PCDHGB5: variants seen among roughly 807,000 people sequenced by gnomAD.
The protein encoded by PCDHGB5 is protocadherin gamma-B5.
In PCDHGB5, 48 loss-of-function variants were observed where a neutral mutation model predicts 62.9. The observed-to-expected ratio is 0.76, with a 90% CI of 0.61 to 0.97. The LOEUF is 0.97. Among genes scored for constraint, PCDHGB5 ranks in the 50% least tolerant of loss-of-function variants. PCDHGB5 has a pLI of 0.00. For synonymous variants in PCDHGB5, 474 were observed against 511.2 expected (o/e 0.93, Z 0.98); for missense variants, 1,118 against 1,198.6 (o/e 0.93, Z 0.99).
intron 1 of PCDHGB5, chr5:141,415,172 T>G (rs770772038): frequency 1.2e-6 from 2 of 1,613,882 alleles, no homozygotes; most frequent in Non-Finnish European, 1.7e-6. Context: ...ACGCTCACCG[T>G]GGCCGTGGCC....
intron 1 of PCDHGB5, chr5:141,417,646 C>G: frequency 1.3e-6 from 1 of 797,874 alleles, no homozygotes. Context: ...GATCCCTCAG[C>G]CTCTAGCCTG....
chr5:141,402,825 A>G, intron 1 of PCDHGB5: 1 of 1,320,620 alleles, frequency 7.6e-7, no homozygotes, highest in Non-Finnish European at 1.0e-6. Flanking sequence ...ACCTGCTCCC[A>G]GGCTGCAGCA....
At chr5:141,509,275 G>A (rs185255724) in intron 3 of PCDHGB5, among the ~76,000 whole-genome samples, 1 of 152,096 alleles carries the variant, frequency 6.6e-6, no homozygotes, top group East Asian at 1.9e-4. Flanking sequence ...CTCGCTACCC[G>A]CTCCCAGGGT....
intron 1 of PCDHGB5, chr5:141,433,186 G>A (rs753657435): frequency 1.4e-5 from 23 of 1,601,378 alleles, no homozygotes; most frequent in Non-Finnish European, 1.9e-5. Context: ...TAATTGAGGT[G>A]AGTTTATATC....
chr5:141,432,934 G>A lies in PCDHGB5; in HGVS notation c.2397+32410G>A. The stretch of plus-strand genomic sequence containing the variant: ...GGCGCTGGCACAAGTCACGCCTGCT[G>A]CAGGCTTCAGGAGGCGGCTTGACAG... On this transcript the variant is annotated intron_variant, in intron 1 of 3. Transcript: ENST00000617380. This position sits in a 1 kb window ranked among gnomAD's most constrained non-coding sequence, Gnocchi z 6.0. 1.9e-6 allele frequency: 3 copies of A among 1,614,196 alleles called. No individual in the cohort carries two copies. Among genetic ancestry groups the A allele is most frequent in the Non-Finnish European group, 2.5e-6 (3 of 1,180,040 alleles).
rs778851755 is a variant in PCDHGB5, at chr5:141,477,795, G to A, written c.2398-17012G>A. ...AGCGTGAACATATTTGTCACTGATC[G>A]CAATGACAATGCCCCCCAGGTCCTA... On this transcript the variant is annotated intron_variant, in intron 1 of 3. Coordinates refer to ENST00000617380, the MANE Select transcript of PCDHGB5 (RefSeq NM_018925.3). This position sits in a 1 kb window ranked among gnomAD's most constrained non-coding sequence, Gnocchi z 4.9. The A allele has an allele frequency of 3.1e-6, 5 of 1,613,946 alleles. No individual in the cohort carries two copies. In the African/African-American group the frequency reaches 6.7e-5, roughly 22 times the overall value.
chr5:141,483,750 A>G (rs1453478545), intron 1 of PCDHGB5, among the ~76,000 whole-genome samples: 1 of 152,138 alleles, frequency 6.6e-6, no homozygotes, highest in African/African-American at 2.4e-5. Flanking sequence ...ATTCCTGAGG[A>G]TCGAGGCTTG....
At chr5:141,478,098 C>T (rs779493391) in intron 1 of PCDHGB5, 1 of 1,614,142 alleles carries the variant, frequency 6.2e-7, no homozygotes, top group South Asian at 1.1e-5. Flanking sequence ...ACCACTGCTA[C>T]CCTCACTGTG....
chr5:141,429,851 TC>T (rs1447325775), intron 1 of PCDHGB5, among the ~76,000 whole-genome samples: 2 of 152,224 alleles, frequency 1.3e-5, no homozygotes, highest in African/African-American at 4.8e-5. Context: ...TCTGTAACAT[TC>T]TTTGGACTAC....
At chr5:141,404,891 C>G in intron 1 of PCDHGB5, 1 of 1,613,898 alleles carries the variant, frequency 6.2e-7, no homozygotes, top group African/African-American at 1.3e-5. Context: ...GGTGGCTGTA[C>G]AGGACCATGG....
intron 1 of PCDHGB5, among the ~76,000 whole-genome samples, chr5:141,458,500 T>G (rs2098947037): frequency 6.6e-6 from 1 of 151,442 alleles, no homozygotes; most frequent in Admixed American, 6.6e-5. Context: ...CTGTACATAC[T>G]GTTTGACACT....
intron 1 of PCDHGB5, among the ~76,000 whole-genome samples, chr5:141,460,120 A>C (rs1404213559): frequency 1.3e-5 from 2 of 151,956 alleles, no homozygotes; most frequent in Non-Finnish European, 2.9e-5. Flanking sequence ...ATTTTTATAT[A>C]TGTAATATAT....
At chr5:141,405,476 G>A (rs1214119236) in intron 1 of PCDHGB5, 1 of 1,048,044 alleles carries the variant, frequency 9.5e-7, no homozygotes, top group Non-Finnish European at 1.4e-6. Flanking sequence ...CTGGAATGCA[G>A]TGGTGTGATC....
At chr5:141,466,938 G>C (rs985959499) in intron 1 of PCDHGB5, among the ~76,000 whole-genome samples, 1 of 151,854 alleles carries the variant, frequency 6.6e-6, no homozygotes, top group Non-Finnish European at 1.5e-5. Context: ...TTAGTCCTTT[G>C]TCCAGTAAAC....
intron 1 of PCDHGB5, chr5:141,422,006 C>G: frequency 6.2e-7 from 1 of 1,609,754 alleles, no homozygotes; most frequent in Non-Finnish European, 8.5e-7. Flanking sequence ...AGCTCCGGAA[C>G]TCGGGTGCTG....
rs1369150914 is a variant in PCDHGB5 at position 141,432,217 on chromosome 5, G to A, written c.2397+31693G>A. The A allele has an allele frequency of 3.1e-6, 5 of 1,614,204 alleles. No individual in the cohort carries two copies. The East Asian group carries it at 6.7e-5, about 22-fold the overall frequency. On this transcript the variant is annotated intron_variant, in intron 1 of 3. Coordinates refer to ENST00000617380, the MANE Select transcript of PCDHGB5 (RefSeq NM_018925.3). The surrounding 1 kb of genome is among the most constrained non-coding windows in gnomAD (Gnocchi z 6.0). ...ACCCCGACTGTGAAGAGAACGCCCAGATCACTTATTCCCTGGCTGAGAACA... is the reference window on the plus strand; with the variant it reads ...ACCCCGACTGTGAAGAGAACGCCCAAATCACTTATTCCCTGGCTGAGAACA...
intron 1 of PCDHGB5, chr5:141,478,551 G>A (rs759604162): frequency 6.2e-6 from 10 of 1,603,054 alleles, no homozygotes; most frequent in South Asian, 3.3e-5. Context: ...GGACAGGTAA[G>A]GTTTAGCAAG....
intron 1 of PCDHGB5, among the ~76,000 whole-genome samples, chr5:141,442,910 C>G (rs1419319938): frequency 6.6e-6 from 1 of 152,196 alleles, no homozygotes; most frequent in African/African-American, 2.4e-5. Flanking sequence ...TCCTTCAGCA[C>G]ACAACTGTTT....
intron 1 of PCDHGB5, among the ~76,000 whole-genome samples, chr5:141,464,827 C>T (rs529757361): frequency 1.5e-4 from 23 of 152,246 alleles, no homozygotes; most frequent in African/African-American, 4.6e-4. Flanking sequence ...TAGCCTCGCA[C>T]TCCTGGGCTC....
Sources: gnomAD v4.1 joint callset for allele counts (sites outside exome capture counted in the v4.1 genomes callset) on GRCh38, gnomAD v4.1.1 for gene constraint, Gnocchi (gnomAD v3.1) non-coding constraint, MANE v1.5 for transcripts, NCBI Gene and HGNC (gene_info 2026-07-23, HGNC 2026-07-21) for gene names.